Variants in SERPINA12 observed in about 807,000 individuals in gnomAD.
SERPINA12 encodes the protein serpin A12.
A neutral mutation model predicts 25.9 loss-of-function variants in SERPINA12; 21 were observed. The ratio of observed to expected loss-of-function variants is 0.81; its 90% CI spans 0.58 to 1.17. The LOEUF (loss-of-function observed/expected upper bound fraction) is 1.17. Among genes scored for constraint, SERPINA12 ranks in the 50% most tolerant of loss-of-function variants. The pLI, the probability that SERPINA12 is intolerant of heterozygous loss-of-function variation, is 0.00. For missense variants in SERPINA12, 562 were observed against 508.3 expected, an observed-to-expected ratio of 1.11 and a Z score of -1.02; for synonymous variants, 220 against 196.0, an observed-to-expected ratio of 1.12 and a Z score of -1.02.
chr14:94,489,581 T>A (rs766123559), intron 4 of SERPINA12, 39 bp downstream of exon 4: 1 of 1,604,838 alleles, frequency 6.2e-7, no homozygotes, highest in South Asian at 1.1e-5. Flanking sequence ...GGAAGGCCCC[T>A]GTGCTGCAGG....
chr14:94,496,709 A>T, intron 2 of SERPINA12, 66 bp from the exon 3 acceptor site: 1 of 1,329,670 alleles, frequency 7.5e-7, no homozygotes, highest in South Asian at 1.2e-5. Flanking sequence ...AATCCAACTA[A>T]CCAGTAGTCT....
At chr14:94,516,914 G>T (rs1044291376) in intron 1 of SERPINA12, among the ~76,000 whole-genome samples, 1 of 151,980 alleles carries the variant, frequency 6.6e-6, no homozygotes. Flanking sequence ...TCTATAGGAA[G>T]GGCAGGAAGG....
chr14:94,511,977 G>C (rs1324061259), upstream of SERPINA12, among the ~76,000 whole-genome samples: 1 of 152,060 alleles, frequency 6.6e-6, no homozygotes, highest in Non-Finnish European at 1.5e-5. Context: ...TCGCACCAGT[G>C]GTCCCAGCTA....
intron 1 of SERPINA12, among the ~76,000 whole-genome samples, chr14:94,508,732 T>G (rs1566815548): frequency 1.3e-5 from 2 of 152,222 alleles, no homozygotes. Context: ...GAGCTAATGT[T>G]CTTAACAATT....
rs759753080 is a variant in SERPINA12, at chr14:94,496,534, T to G, written c.744A>C (p.Gln248His). 8.7e-5 allele frequency: 141 copies of G among 1,613,864 alleles called. No homozygotes were observed. Among genetic ancestry groups the G allele is most frequent in the Admixed American group, 7.3e-4 (44 of 59,998 alleles). ...VPMMFRSGIY[Q>H]VGYDDKLSCT... ...AAGAGAGCTTATCGTCATAGCCAAC[T>G]TGGTATATGCCACTACGGAACATCA... The change falls in exon 3 of 5, where the codon CAA becomes CAC. Residue 248 changes from glutamine to histidine, a missense_variant. Coordinates refer to ENST00000677451, the MANE Select transcript of SERPINA12 (RefSeq NM_001382267.1).
chr14:94,495,774 C>A (rs1900391275), intron 3 of SERPINA12, among the ~76,000 whole-genome samples: 1 of 152,188 alleles, frequency 6.6e-6, no homozygotes, highest in South Asian at 2.1e-4. Flanking sequence ...GACACTAAGT[C>A]CCCAAGACTT....
Position 94,489,266 on chromosome 14 carries a change from GAAAGAAAGAAAGA to G in SERPINA12, c.1053+341_1053+353del, listed in dbSNP as rs558221011. Among the ~76,000 whole-genome samples the G allele has an allele frequency of 6.7e-3, 1,018 of 152,002 alleles. 14 individuals carry two copies. The highest frequency in any genetic ancestry group is 0.024 in the African/African-American group (983 of 41,418). ...AGAGAGAGAAAGAGAGAAAGAAAGA[GAAAGAAAGAAAGA>G]AAAGAAAGAAAGAAAGACGGATGTG... On this transcript the variant is annotated intron_variant, in intron 4 of 4. Transcript: ENST00000677451.
upstream of SERPINA12, among the ~76,000 whole-genome samples, chr14:94,510,592 C>T (rs563361213): frequency 1.8e-3 from 280 of 152,272 alleles, 2 homozygotes; most frequent in Non-Finnish European, 3.2e-3. Flanking sequence ...TTTCATCCAG[C>T]AATCCCACTA....
chr14:94,493,912 G>A (rs1900285512), intron 3 of SERPINA12, among the ~76,000 whole-genome samples: 1 of 152,208 alleles, frequency 6.6e-6, no homozygotes, highest in South Asian at 2.1e-4. Flanking sequence ...GTGGCCTGAT[G>A]GTGGTCACAG....
At chr14:94,498,700 A>G (rs1035737981) in intron 1 of SERPINA12, among the ~76,000 whole-genome samples, 27 of 152,206 alleles carry the variant, frequency 1.8e-4, no homozygotes, top group Non-Finnish European at 3.4e-4. Context: ...CCTTTGAGGA[A>G]CAGCTCTCCT....
intron 2 of SERPINA12, among the ~76,000 whole-genome samples, chr14:94,515,568 T>G (rs1312956164): frequency 6.6e-6 from 1 of 152,140 alleles, no homozygotes; most frequent in Admixed American, 6.5e-5. Flanking sequence ...CTGCTCCACT[T>G]GGGCCCTGCT....
At chr14:94,507,335 A>C (rs1900966117) in intron 1 of SERPINA12, among the ~76,000 whole-genome samples, 1 of 152,228 alleles carries the variant, frequency 6.6e-6, no homozygotes, top group Non-Finnish European at 1.5e-5. Context: ...AGAAAGTATT[A>C]ACCATTTTTA....
upstream of SERPINA12, among the ~76,000 whole-genome samples, chr14:94,513,857 A>G (rs77764070): frequency 4.2e-3 from 640 of 152,292 alleles, 8 homozygotes; most frequent in African/African-American, 0.015. Context: ...ACTTCAGCCA[A>G]TCAGCCCCTC....
intron 1 of SERPINA12, among the ~76,000 whole-genome samples, chr14:94,516,403 G>A (rs1321221758): frequency 2.0e-5 from 3 of 152,200 alleles, no homozygotes; most frequent in Non-Finnish European, 4.4e-5. Context: ...ACAGTGACTC[G>A]AGGAAGGGGC....
chr14:94,508,513 A>G (rs1901011728), intron 1 of SERPINA12, among the ~76,000 whole-genome samples: 1 of 152,244 alleles, frequency 6.6e-6, no homozygotes, highest in South Asian at 2.1e-4. Context: ...GAAACAAACA[A>G]ATCATTTCAA....
chr14:94,509,924 C>T, upstream of SERPINA12: 1 of 944,586 alleles, frequency 1.1e-6, no homozygotes, highest in Non-Finnish European at 1.3e-6. Context: ...TGGGTGTGGG[C>T]ACCCTGGCAC....
chr14:94,496,306 C>T (rs1161520433), intron 3 of SERPINA12, 67 bp downstream of exon 3: 3 of 1,548,098 alleles, frequency 1.9e-6, no homozygotes, highest in Non-Finnish European at 2.7e-6. Context: ...GGTAAGAGCT[C>T]AGACAGCAGA....
rs767133497 is a variant in SERPINA12, at chr14:94,497,871, T to G, written c.527A>C (p.Gln176Pro). The change falls in exon 2 of 5, where the codon CAG becomes CCG. Residue 176 changes from glutamine (Q) to proline (P), a missense_variant. Gln to Pro is a moderately conservative substitution (Grantham distance 76). Transcript: ENST00000677451. ...TTTTTGACTGATAAAGTCATTGATC[T>G]GCTTCTGAGCCATTTCCAAATTCTG... Reference protein sequence around the residue: ...NFQNLEMAQKQINDFISQKTH... With the variant: ...NFQNLEMAQKPINDFISQKTH... 1.2e-6 allele frequency: 2 copies of G among 1,614,116 alleles called. No individual in the cohort carries two copies. Among genetic ancestry groups the G allele is most frequent in the African/African-American group, 2.7e-5 (2 of 74,950 alleles).
chr14:94,495,069 T>TTTA (rs1555377343), intron 3 of SERPINA12, among the ~76,000 whole-genome samples: 2 of 133,926 alleles, frequency 1.5e-5, no homozygotes, highest in African/African-American at 6.3e-5. Context: ...CCTTTCTTTT[T>TTTA]TTTTTTTTTT....
Sources: allele counts gnomAD v4.1 joint callset (sites outside exome capture counted in the v4.1 genomes callset), GRCh38; gene constraint gnomAD v4.1.1; transcripts MANE v1.5; gene names NCBI Gene and HGNC (gene_info 2026-07-23, HGNC 2026-07-21).